The following RGSL1 variants were observed in gnomAD, a reference collection of about 807,000 sequenced individuals.
RGSL1 encodes the protein regulator of G protein signaling like 1.
RGSL1 carries 97 observed loss-of-function variants against 124.7 expected under a neutral mutation model. The observed-to-expected ratio is 0.78, with a 90% CI of 0.66 to 0.92. The LOEUF (loss-of-function observed/expected upper bound fraction) is 0.92, where lower values mean the gene tolerates loss of function less well. Among genes scored for constraint, RGSL1 ranks in the 40% least tolerant of loss-of-function variants. The probability of loss-of-function intolerance (pLI) is 0.00; values close to 1 mark genes in which losing one functional copy is unlikely to be tolerated. For synonymous variants in RGSL1, 424 were observed against 438.1 expected (o/e 0.97, Z 0.40); for missense variants, 1,233 against 1,288.4 (o/e 0.96, Z 0.66).
intron 9 of RGSL1, among the ~76,000 whole-genome samples, chr1:182,494,145 C>T (rs1655736796): frequency 6.6e-6 from 1 of 152,194 alleles, no homozygotes. Context: ...GGCTGCTTCA[C>T]TTGTCAACCT....
At chr1:182,536,949 T>C (rs1302479212) in intron 14 of RGSL1, among the ~76,000 whole-genome samples, 1 of 152,196 alleles carries the variant, frequency 6.6e-6, no homozygotes, top group Non-Finnish European at 1.5e-5. Context: ...ATACAGTGCG[T>C]TTTTTAGTGA....
At chr1:182,518,858 A>C (rs1425431903) in intron 9 of RGSL1, among the ~76,000 whole-genome samples, 1 of 143,786 alleles carries the variant, frequency 7.0e-6, no homozygotes, top group African/African-American at 2.5e-5. Flanking sequence ...AGCATTGTAC[A>C]TTTGTTTTTG....
At chr1:182,524,408 A>G (rs1658586694) in intron 10 of RGSL1, among the ~76,000 whole-genome samples, 1 of 152,188 alleles carries the variant, frequency 6.6e-6, no homozygotes, top group Admixed American at 6.5e-5. Flanking sequence ...TGGAAGTGGA[A>G]GGGAAAATAC....
intron 19 of RGSL1, among the ~76,000 whole-genome samples, chr1:182,553,877 T>C (rs1310713137): frequency 2.0e-5 from 3 of 152,170 alleles, no homozygotes; most frequent in Admixed American, 2.0e-4. Context: ...ATTAAGAGAC[T>C]ATCACAGTGT....
intron 10 of RGSL1, among the ~76,000 whole-genome samples, chr1:182,523,066 A>C (rs1372836735): frequency 6.7e-6 from 1 of 148,740 alleles, no homozygotes; most frequent in Non-Finnish European, 1.5e-5. Context: ...ACAGAGTCTC[A>C]CTTTTTGTGT....
At chr1:182,556,869 G>A (rs1021852364) in intron 21 of RGSL1, among the ~76,000 whole-genome samples, 4 of 152,092 alleles carry the variant, frequency 2.6e-5, no homozygotes, top group African/African-American at 9.7e-5. Context: ...TCCTGAACAA[G>A]CCCTCCACCT....
chr1:182,464,678 C>A (rs1302534217), intron 4 of RGSL1, among the ~76,000 whole-genome samples: 2 of 150,492 alleles, frequency 1.3e-5, no homozygotes, highest in Non-Finnish European at 3.0e-5. Flanking sequence ...GAGCCATGAT[C>A]ATGCCATTGC....
chr1:182,512,786 G>A (rs529428127), intron 9 of RGSL1, among the ~76,000 whole-genome samples: 8 of 152,166 alleles, frequency 5.3e-5, no homozygotes, highest in Admixed American at 1.3e-4. Context: ...GAATGGATGC[G>A]GAGCTGAAAA....
rs548757531 is a variant in RGSL1, at chr1:182,503,772, A to G, written c.1825+10643A>G. Among the ~76,000 whole-genome samples, 11 of 152,290 alleles carry G rather than the reference A, an allele frequency of 7.2e-5. No individual in the cohort carries two copies. In the East Asian group the frequency reaches 2.1e-3, roughly 29 times the overall value. ...AAAAGAACATAATTGGATTGTTTGT[A>G]ACACAAAGGATAAATGCTTGAGTGG... On this transcript the variant is annotated intron_variant, in intron 9 of 21. Transcript: ENST00000294854.
At chr1:182,547,870 AT>A (rs1256366808) in intron 15 of RGSL1, among the ~76,000 whole-genome samples, 7 of 151,808 alleles carry the variant, frequency 4.6e-5, no homozygotes, top group Non-Finnish European at 8.9e-5. Context: ...CAAAAAAAAA[AT>A]GTTCTACTGG....
intron 18 of RGSL1, among the ~76,000 whole-genome samples, chr1:182,552,594 C>G (rs1660634324): frequency 2.0e-5 from 3 of 152,192 alleles, no homozygotes; most frequent in Admixed American, 2.0e-4. Context: ...GCTCCCCTCT[C>G]TCAGCCTCAC....
chr1:182,555,284 G>C (rs1202503987), intron 20 of RGSL1: 1 of 154,424 alleles, frequency 6.5e-6, no homozygotes, highest in African/African-American at 2.4e-5. Flanking sequence ...ATGGTCTCCA[G>C]TTCCATCCAT....
chr1:182,502,896 T>G (rs1386361985), intron 9 of RGSL1, among the ~76,000 whole-genome samples: 1 of 152,220 alleles, frequency 6.6e-6, no homozygotes, highest in East Asian at 1.9e-4. Flanking sequence ...AAAATTAATG[T>G]ACTTTTCAAG....
chr1:182,528,250 G>C (rs1174988920), intron 11 of RGSL1, among the ~76,000 whole-genome samples: 1 of 151,558 alleles, frequency 6.6e-6, no homozygotes, highest in Non-Finnish European at 1.5e-5. Context: ...ATCTCCACCT[G>C]GTCCTGCCCG....
intron 6 of RGSL1, among the ~76,000 whole-genome samples, chr1:182,486,285 C>G (rs189152364): frequency 1.5e-3 from 227 of 147,922 alleles, no homozygotes; most frequent in African/African-American, 5.4e-3. Flanking sequence ...ATTTATTTAT[C>G]TATTAATTAT....
intron 20 of RGSL1, 195 bp from the exon 21 acceptor site, chr1:182,555,829 G>A (rs536468072): frequency 1.7e-6 from 1 of 599,822 alleles, no homozygotes; most frequent in Non-Finnish European, 3.0e-6. Flanking sequence ...GAAAAGCAAT[G>A]CATGGCTTCA....
intron 9 of RGSL1, among the ~76,000 whole-genome samples, chr1:182,515,629 T>C (rs1031248721): frequency 7.9e-5 from 12 of 152,054 alleles, no homozygotes; most frequent in African/African-American, 2.9e-4. Context: ...TATTGTATCT[T>C]TCCGCCAGTT....
chr1:182,494,490 T>C lies in RGSL1; in HGVS notation c.1825+1361T>C, dbSNP rs544305761. On this transcript the variant is annotated intron_variant, in intron 9 of 21. Coordinates refer to ENST00000294854, the MANE Select transcript of RGSL1 (RefSeq NM_001137669.2). ...TAAAATTAATTTCACCCTTTTCTTT[T>C]TAGCTTTTTCAATGTGACTACTAGA... Among the ~76,000 whole-genome samples, 3 of 152,314 alleles carry C rather than the reference T, an allele frequency of 2.0e-5. No homozygotes were observed. The East Asian group carries it at 5.8e-4, about 29-fold the overall frequency.
At chr1:182,473,012 T>G (rs1653977296) in intron 5 of RGSL1, among the ~76,000 whole-genome samples, 1 of 152,354 alleles carries the variant, frequency 6.6e-6, no homozygotes, top group East Asian at 1.9e-4. Flanking sequence ...CATCTGGCCC[T>G]TTACATAAAA....
Sources: allele counts gnomAD v4.1 joint callset (sites outside exome capture counted in the v4.1 genomes callset), GRCh38; gene constraint gnomAD v4.1.1; transcripts MANE v1.5; gene names NCBI Gene and HGNC (gene_info 2026-07-23, HGNC 2026-07-21).